HDGF: variants seen among roughly 807,000 people sequenced by gnomAD.
HDGF encodes the protein heparin binding growth factor.
In HDGF, 5 loss-of-function variants were observed where a neutral mutation model predicts 30.0. The ratio of observed to expected loss-of-function variants is 0.17; its 90% CI spans 0.09 to 0.35. HDGF has a LOEUF of 0.35. HDGF is among the 10% of genes least tolerant of loss of function. The pLI, the probability that HDGF is intolerant of heterozygous loss-of-function variation, is 1.00. For synonymous variants in HDGF, 133 were observed against 112.7 expected (o/e 1.18, Z -1.14); for missense variants, 214 against 302.8 (o/e 0.71, Z 2.18).
At chr1:156,762,497 C>A (rs1315390412) in intron 1 of HDGF, among the ~76,000 whole-genome samples, 1 of 152,120 alleles carries the variant, frequency 6.6e-6, no homozygotes, top group Non-Finnish European at 1.5e-5. Flanking sequence ...ACCCTTGGTT[C>A]CTGCTCATGT....
chr1:156,752,459 G>A (rs977664968), upstream of HDGF: 2 of 1,161,188 alleles, frequency 1.7e-6, no homozygotes, highest in Non-Finnish European at 1.2e-6. Flanking sequence ...AGTCGGTTAC[G>A]GTAGAATGCC....
At chr1:156,750,925 G>A (rs1650924161) in intron 1 of HDGF, among the ~76,000 whole-genome samples, 1 of 152,062 alleles carries the variant, frequency 6.6e-6, no homozygotes, top group Non-Finnish European at 1.5e-5. Context: ...GAACAAACTA[G>A]GGGTCTCTAA....
intron 1 of HDGF, among the ~76,000 whole-genome samples, chr1:156,764,305 T>G (rs1651310609): frequency 6.6e-6 from 1 of 152,092 alleles, no homozygotes; most frequent in Admixed American, 6.5e-5. Flanking sequence ...CTCTGCTCAC[T>G]GAAACCTCCA....
chr1:156,752,008 GC>G, upstream of HDGF: 1 of 1,545,138 alleles, frequency 6.5e-7, no homozygotes. Flanking sequence ...AGCGGCCCCC[GC>G]CCTTCCCCCG....
upstream of HDGF, chr1:156,751,958 TGCCC>T: frequency 7.5e-6 from 10 of 1,341,822 alleles, no homozygotes; most frequent in Non-Finnish European, 9.2e-6. The surrounding 1 kb of genome is among the most constrained non-coding windows in gnomAD (Gnocchi z 4.7). Context: ...GGTCGGTGGG[TGCCC>T]GCCCGCCCGG....
chr1:156,744,243 C>T lies in HDGF; in HGVS notation c.409G>A (p.Gly137Arg). 3 of 1,614,172 alleles carry T rather than the reference C, an allele frequency of 1.9e-6. No individual in the cohort carries two copies. Among genetic ancestry groups the T allele is most frequent in the Non-Finnish European group, 2.5e-6 (3 of 1,180,028 alleles). The change falls in exon 4 of 6, where the codon GGG (glycine) becomes AGG (arginine). Residue 137 changes from glycine to arginine, a missense_variant. This residue lies in a region of HDGF where 176 missense variants were observed against 211.7 expected (regional missense o/e 0.83). Transcript: ENST00000357325. ...GNAEGSSDEE[G>R]KLVIDEPAKE... is the part of the protein sequence containing the mutation. ...GCTGGCTCATCAATGACCAGCTTCCCTTCCTCGTCGCTGCTGCCCTCTGCA... is the reference window on the plus strand; with the variant it reads ...GCTGGCTCATCAATGACCAGCTTCCTTTCCTCGTCGCTGCTGCCCTCTGCA...
intron 1 of HDGF, among the ~76,000 whole-genome samples, chr1:156,761,668 C>G (rs1343103982): frequency 6.6e-6 from 1 of 151,066 alleles, no homozygotes; most frequent in Non-Finnish European, 1.5e-5. Context: ...TTAAAAAAGG[C>G]CGGGCATGGT....
At chr1:156,746,030 A>G (rs896239656) in intron 1 of HDGF, among the ~76,000 whole-genome samples, 7 of 152,134 alleles carry the variant, frequency 4.6e-5, no homozygotes, top group Non-Finnish European at 1.0e-4. Flanking sequence ...TGCTCTGACC[A>G]TGGTTCTTGC....
chr1:156,753,360 G>A (rs919166786), upstream of HDGF, among the ~76,000 whole-genome samples: 1 of 152,132 alleles, frequency 6.6e-6, no homozygotes, highest in African/African-American at 2.4e-5. Context: ...TGTTGCAACA[G>A]AGCAACTAGG....
At chr1:156,758,544 G>A (rs1182716978) in intron 2 of HDGF, among the ~76,000 whole-genome samples, 1 of 148,632 alleles carries the variant, frequency 6.7e-6, no homozygotes, top group Non-Finnish European at 1.5e-5. Flanking sequence ...AGTGAGCTGA[G>A]ATCGCGCCAC....
rs573710209 is a variant in HDGF, at chr1:156,761,139, CCT to C, written n.137-1922_137-1921del. Among the ~76,000 whole-genome samples the C allele has an allele frequency of 4.1e-3, 617 of 151,906 alleles. 5 individuals are homozygous for C. The highest frequency in any genetic ancestry group is 0.01 in the African/African-American group (417 of 41,418). On this transcript the variant is annotated intron_variant and non_coding_transcript_variant, in intron 1 of 7. Transcript: ENST00000465180. ...ACCAGCCTGGCTAACTTGGTGAACCCCTGTCTCTACTAAAAATACAAAAATTA... is the reference window on the plus strand; with the variant it reads ...ACCAGCCTGGCTAACTTGGTGAACCCGTCTCTACTAAAAATACAAAAATTA...
chr1:156,759,014 G>A (rs923809718), exon 2 of HDGF: 4 of 152,308 alleles, frequency 2.6e-5, no homozygotes, highest in Non-Finnish European at 5.9e-5. Flanking sequence ...GAGGCTCCTG[G>A]GGAGTTGTAT....
chr1:156,760,076 G>A (rs1408943879), intron 1 of HDGF, among the ~76,000 whole-genome samples: 2 of 152,224 alleles, frequency 1.3e-5, no homozygotes, highest in Non-Finnish European at 2.9e-5. Context: ...AGCAGTACTG[G>A]AAGTAACTTT....
intron 1 of HDGF, among the ~76,000 whole-genome samples, chr1:156,761,966 AAAAAAACAC>A (rs1326626543): frequency 7.3e-4 from 108 of 147,504 alleles, no homozygotes; most frequent in Non-Finnish European, 1.3e-3. Context: ...ATTAATTAAA[AAAAAAACAC>A]AAAAAATACA....
At chr1:156,746,388 C>G (rs1350314524) in intron 1 of HDGF, among the ~76,000 whole-genome samples, 2 of 152,192 alleles carry the variant, frequency 1.3e-5, no homozygotes, top group Non-Finnish European at 2.9e-5. Flanking sequence ...GGGGTGAGGT[C>G]AAAGGGCTGC....
chr1:156,762,329 AT>A (rs1167473680), intron 1 of HDGF, among the ~76,000 whole-genome samples: 2 of 151,560 alleles, frequency 1.3e-5, no homozygotes, highest in Non-Finnish European at 2.9e-5. Flanking sequence ...AGACAGGAGG[AT>A]TGCTTGACCT....
At chr1:156,745,590 G>C (rs566187076) in intron 1 of HDGF, among the ~76,000 whole-genome samples, 1 of 152,138 alleles carries the variant, frequency 6.6e-6, no homozygotes, top group African/African-American at 2.4e-5. Context: ...TTCCCTCTCC[G>C]TCACCAGCCA....
intron 1 of HDGF, among the ~76,000 whole-genome samples, chr1:156,747,963 A>C (rs1037691639): frequency 6.6e-6 from 1 of 152,190 alleles, no homozygotes; most frequent in East Asian, 1.9e-4. Flanking sequence ...CAGCCCCAGC[A>C]GTGGGGGAGA....
intron 1 of HDGF, among the ~76,000 whole-genome samples, chr1:156,750,928 G>T (rs927787932): frequency 6.6e-6 from 1 of 151,688 alleles, no homozygotes; most frequent in Non-Finnish European, 1.5e-5. Context: ...CAAACTAGGG[G>T]TCTCTAAGGG....
Sources: gnomAD v4.1 joint callset for allele counts (sites outside exome capture counted in the v4.1 genomes callset) on GRCh38, gnomAD v4.1.1 for gene constraint, gnomAD v4.1.1 regional missense constraint, Gnocchi (gnomAD v3.1) non-coding constraint, MANE v1.5 for transcripts, NCBI Gene and HGNC (gene_info 2026-07-23, HGNC 2026-07-21) for gene names.